Variants in CSMD1 observed in about 807,000 individuals in gnomAD.
CSMD1 encodes the protein CUB and sushi domain-containing protein 1.
A neutral mutation model predicts 417.5 loss-of-function variants in CSMD1; 213 were observed. That is an observed-to-expected ratio of 0.51 (90% CI 0.46 to 0.57). The LOEUF (loss-of-function observed/expected upper bound fraction) is 0.57, where lower values mean the gene tolerates loss of function less well. CSMD1 is among the 20% of genes least tolerant of loss of function. The pLI is 0.00. For missense variants in CSMD1, 6,923 were observed against 4,529.7 expected, an observed-to-expected ratio of 1.53 and a Z score of -15.17; for synonymous variants, 2,862 against 1,736.8, an observed-to-expected ratio of 1.65 and a Z score of -16.11.
chr8:3,978,805 G>T (rs572205425), intron 5 of CSMD1, among the ~76,000 whole-genome samples: 1 of 152,200 alleles, frequency 6.6e-6, no homozygotes, highest in South Asian at 2.1e-4. Context: ...CCTTTCCGGA[G>T]ACATCGGTGA....
intron 3 of CSMD1, among the ~76,000 whole-genome samples, chr8:4,293,036 G>T (rs910078098): frequency 6.6e-6 from 1 of 152,152 alleles, no homozygotes; most frequent in African/African-American, 2.4e-5. Context: ...GTTATGGCTT[G>T]AGAAGGGGCT....
Position 4,545,625 on chromosome 8 carries a change from TG to T in CSMD1, c.302+91716del, listed in dbSNP as rs553357973. Among the ~76,000 whole-genome samples, 43 of 152,338 alleles carry T rather than the reference TG, an allele frequency of 2.8e-4. No homozygotes were observed. In the South Asian group the frequency reaches 8.3e-3, roughly 29 times the overall value. On this transcript the variant is annotated intron_variant, in intron 2 of 69. Transcript: ENST00000635120. Reference sequence around the variant, plus strand: ...CCTGGCTAGAGAAAAAGTGGTTGGCTGGTTCGTGGCTAGGAGTAAGACACCC... The same window carrying T: ...CCTGGCTAGAGAAAAAGTGGTTGGCTGTTCGTGGCTAGGAGTAAGACACCC...
At chr8:3,879,867 T>G (rs1315071244) in intron 5 of CSMD1, among the ~76,000 whole-genome samples, 1 of 152,044 alleles carries the variant, frequency 6.6e-6, no homozygotes, top group Non-Finnish European at 1.5e-5. Context: ...CGTTTTAGTC[T>G]TCTTCTGGTG....
chr8:4,085,592 C>G (rs910840165), intron 3 of CSMD1, among the ~76,000 whole-genome samples: 1 of 152,140 alleles, frequency 6.6e-6, no homozygotes, highest in African/African-American at 2.4e-5. Flanking sequence ...ACTATCGACG[C>G]TTGCAACAAC....
At chr8:4,356,023 C>T (rs1801409740) in intron 3 of CSMD1, among the ~76,000 whole-genome samples, 1 of 152,106 alleles carries the variant, frequency 6.6e-6, no homozygotes, top group Non-Finnish European at 1.5e-5. Flanking sequence ...ACTTAAGTTA[C>T]TGGTGTTTGG....
chr8:3,965,722 A>T (rs1380013970), intron 5 of CSMD1, among the ~76,000 whole-genome samples: 1 of 151,992 alleles, frequency 6.6e-6, no homozygotes, highest in East Asian at 1.9e-4. Flanking sequence ...CTTTCCGGAG[A>T]TTCTCCTGCC....
chr8:3,755,347 G>A (rs1415514674), intron 5 of CSMD1, among the ~76,000 whole-genome samples: 14 of 152,228 alleles, frequency 9.2e-5, no homozygotes, highest in Non-Finnish European at 5.9e-5. Context: ...TGATAGAGAT[G>A]CACATGTAAA....
At chr8:3,383,991 T>G (rs894072776) in intron 18 of CSMD1, among the ~76,000 whole-genome samples, 1 of 152,144 alleles carries the variant, frequency 6.6e-6, no homozygotes, top group African/African-American at 2.4e-5. Context: ...CCCTGGATAA[T>G]TTCATTTATT....
intron 2 of CSMD1, among the ~76,000 whole-genome samples, chr8:4,458,216 G>C (rs1254785935): frequency 6.6e-6 from 1 of 152,078 alleles, no homozygotes; most frequent in Non-Finnish European, 1.5e-5. Flanking sequence ...AAAGAAATAT[G>C]GAACTTATAA....
chr8:4,851,120 C>T (rs1256359004), intron 1 of CSMD1, among the ~76,000 whole-genome samples: 1 of 120,642 alleles, frequency 8.3e-6, no homozygotes, highest in Non-Finnish European at 1.6e-5. Context: ...CCACAACAGT[C>T]CCCGGAGTGT....
intron 4 of CSMD1, among the ~76,000 whole-genome samples, chr8:4,016,265 T>G (rs1433913128): frequency 1.3e-5 from 2 of 152,106 alleles, no homozygotes. Flanking sequence ...GAGTAATTCA[T>G]AGGTACCTAA....
At chr8:3,596,337 A>G (rs1391196105) in intron 8 of CSMD1, among the ~76,000 whole-genome samples, 4 of 152,164 alleles carry the variant, frequency 2.6e-5, no homozygotes, top group African/African-American at 9.7e-5. Context: ...AACCAGGTAC[A>G]GCATGCAGGG....
chr8:4,050,454 T>C (rs1285769353), intron 3 of CSMD1, among the ~76,000 whole-genome samples: 2 of 152,282 alleles, frequency 1.3e-5, no homozygotes, highest in South Asian at 2.1e-4. Flanking sequence ...ATGGGGTACA[T>C]ATTTTGATAC....
intron 3 of CSMD1, among the ~76,000 whole-genome samples, chr8:4,199,996 T>G (rs776227141): frequency 2.6e-5 from 4 of 152,182 alleles, no homozygotes; most frequent in Admixed American, 6.5e-5. Flanking sequence ...TATTAAAAGT[T>G]CAAGGGCCCT....
intron 3 of CSMD1, among the ~76,000 whole-genome samples, chr8:4,088,674 G>A (rs1044580254): frequency 1.1e-4 from 17 of 152,032 alleles, no homozygotes; most frequent in Non-Finnish European, 2.1e-4. Context: ...TTCACCTTCA[G>A]CTCATTCCTC....
At chr8:3,029,687 T>C (rs979073945) in intron 50 of CSMD1, among the ~76,000 whole-genome samples, 174 bp from the exon 51 acceptor site, 3 of 150,162 alleles carry the variant, frequency 2.0e-5, no homozygotes, top group African/African-American at 4.8e-5. Flanking sequence ...ATGGGAATGA[T>C]CCCATATGTA....
chr8:3,877,800 C>G (rs1403956758), intron 5 of CSMD1, among the ~76,000 whole-genome samples: 1 of 152,112 alleles, frequency 6.6e-6, no homozygotes, highest in Non-Finnish European at 1.5e-5. Flanking sequence ...TTAAATGGAA[C>G]ATTATCATGG....
intron 2 of CSMD1, among the ~76,000 whole-genome samples, chr8:4,528,509 C>G (rs1164938031): frequency 1.3e-5 from 2 of 152,074 alleles, no homozygotes; most frequent in Non-Finnish European, 2.9e-5. Context: ...AGCATGGCGC[C>G]TAGAGTTAAC....
At chr8:3,073,372 C>G (rs950247133) in intron 49 of CSMD1, among the ~76,000 whole-genome samples, 3 of 151,986 alleles carry the variant, frequency 2.0e-5, no homozygotes, top group African/African-American at 7.3e-5. Context: ...AATTACCCAG[C>G]AAAGTATTTA....
Sources: allele counts gnomAD v4.1 joint callset (sites outside exome capture counted in the v4.1 genomes callset), GRCh38; gene constraint gnomAD v4.1.1; transcripts MANE v1.5; gene names NCBI Gene and HGNC (gene_info 2026-07-23, HGNC 2026-07-21).